The following WNT7A variants were observed in gnomAD, a reference collection of about 807,000 sequenced individuals.
The protein encoded by WNT7A is Wnt family member 7A, also known as protein Wnt-7a.
WNT7A carries 16 observed loss-of-function variants against 28.2 expected under a neutral mutation model. That is an observed-to-expected ratio of 0.57 (90% CI 0.38 to 0.86). The LOEUF is 0.86. WNT7A is among the 40% of genes least tolerant of loss of function. WNT7A has a pLI of 0.00. For missense variants in WNT7A, 411 were observed against 489.7 expected (o/e 0.84, Z 1.52); for synonymous variants, 190 against 195.9 (o/e 0.97, Z 0.25).
intron 2 of WNT7A, among the ~76,000 whole-genome samples, chr3:13,855,250 C>A (rs1304573511): frequency 6.6e-6 from 1 of 152,238 alleles, no homozygotes; most frequent in East Asian, 1.9e-4. Flanking sequence ...AGTTTAAATC[C>A]CAGGAACATC....
intron 2 of WNT7A, among the ~76,000 whole-genome samples, chr3:13,868,728 GAAAGAAAGAA>G (rs1694963897): frequency 1.5e-5 from 2 of 135,632 alleles, no homozygotes; most frequent in African/African-American, 5.7e-5. Context: ...AAGAAAGAAA[GAAAGAAAGAA>G]GAGAAAGAAA....
At chr3:13,872,105 T>G (rs1357293995) in intron 2 of WNT7A, among the ~76,000 whole-genome samples, 1 of 152,188 alleles carries the variant, frequency 6.6e-6, no homozygotes, top group East Asian at 1.9e-4. Context: ...AGCCATTCCC[T>G]GGACACACAC....
chr3:13,855,334 G>T (rs1437414292), intron 2 of WNT7A, among the ~76,000 whole-genome samples: 1 of 150,912 alleles, frequency 6.6e-6, no homozygotes, highest in Non-Finnish European at 1.5e-5. Flanking sequence ...GTAAAATGGG[G>T]ACATATCATT....
At chr3:13,831,142 G>A (rs890777376) in intron 3 of WNT7A, among the ~76,000 whole-genome samples, 2 of 152,140 alleles carry the variant, frequency 1.3e-5, no homozygotes, top group Non-Finnish European at 2.9e-5. Context: ...GCTCAATGCC[G>A]GCCTCAAGCC....
chr3:13,851,082 C>G (rs1295368479), intron 3 of WNT7A, among the ~76,000 whole-genome samples: 3 of 152,172 alleles, frequency 2.0e-5, no homozygotes, highest in Non-Finnish European at 4.4e-5. Context: ...TGACACATCT[C>G]CTACCTATTA....
chr3:13,878,809 C>G (rs1695155361), intron 1 of WNT7A, among the ~76,000 whole-genome samples: 1 of 151,872 alleles, frequency 6.6e-6, no homozygotes, highest in Admixed American at 6.5e-5. Flanking sequence ...CTATCCATGC[C>G]CAGATCCCCC....
At chr3:13,857,849 C>G (rs1442848338) in intron 2 of WNT7A, among the ~76,000 whole-genome samples, 1 of 152,132 alleles carries the variant, frequency 6.6e-6, no homozygotes, top group African/African-American at 2.4e-5. Flanking sequence ...GGGTGAGTCA[C>G]CTAACCTCTC....
intron 3 of WNT7A, among the ~76,000 whole-genome samples, chr3:13,839,854 C>G (rs914846149): frequency 1.3e-5 from 2 of 152,200 alleles, no homozygotes; most frequent in Admixed American, 6.5e-5. Flanking sequence ...GAGCGTGGAT[C>G]TGTAATTAAA....
Position 13,874,985 on chromosome 3 carries a change from A to G in WNT7A, c.260T>C (p.Leu87Pro). The change falls in exon 2 of 4, where the codon CTG becomes CCG. Residue 87 changes from leucine (L) to proline (P), a missense_variant. Coordinates refer to ENST00000285018, the MANE Select transcript of WNT7A (RefSeq NM_004625.4). ...CTTCCCGAAGACGGTGCGCTCTCCCAGTGCAGAGCAGTTCCAGCGGCCATT... is the reference window on the plus strand; with the variant it reads ...CTTCCCGAAGACGGTGCGCTCTCCCGGTGCAGAGCAGTTCCAGCGGCCATT... ...FRNGRWNCSA[L>P]GERTVFGKEL... is the part of the protein sequence containing the mutation. 6.2e-7 allele frequency: 1 copy of G among 1,614,194 alleles called. No homozygotes were observed. The highest frequency in any genetic ancestry group is 8.5e-7 in the Non-Finnish European group (1 of 1,180,038).
intron 2 of WNT7A, among the ~76,000 whole-genome samples, chr3:13,856,960 A>AAGAAGAAGAAGAAGAAAAAGAAGAAGG (rs1559303362): frequency 1.7e-5 from 2 of 117,472 alleles, no homozygotes; most frequent in African/African-American, 8.2e-5. Context: ...GAAGAAGAAG[A>AAGAAGAAGAAGAAGAAAAAGAAGAAGG]AGAAGAAGGA....
At chr3:13,861,282 C>G (rs939788177) in intron 2 of WNT7A, among the ~76,000 whole-genome samples, 1 of 152,236 alleles carries the variant, frequency 6.6e-6, no homozygotes. Context: ...TGTGAAGGAC[C>G]TGCCCCTCCC....
chr3:13,864,457 G>A lies in WNT7A; in HGVS notation c.299-9654C>T, dbSNP rs78417220. 2.6e-5 allele frequency among the ~76,000 whole-genome samples: 4 copies of A among 152,228 alleles called. No homozygotes were observed. The East Asian group carries it at 7.7e-4, about 29-fold the overall frequency. ...TGCTGCCACTCCCCTTCCCCTCCTG[G>A]GTTGTGGACGGCCCCTACTTCAGGT... On this transcript the variant is annotated intron_variant, in intron 2 of 3. Coordinates refer to ENST00000285018, the MANE Select transcript of WNT7A (RefSeq NM_004625.4).
chr3:13,855,927 C>G (rs2124860490), intron 2 of WNT7A, among the ~76,000 whole-genome samples: 1 of 152,306 alleles, frequency 6.6e-6, no homozygotes, highest in African/African-American at 2.4e-5. Flanking sequence ...AGGCAGATGA[C>G]TTGCTCCAAG....
intron 3 of WNT7A, among the ~76,000 whole-genome samples, chr3:13,836,199 TTAAAAAA>T (rs1358951377): frequency 1.4e-5 from 2 of 139,312 alleles, no homozygotes; most frequent in South Asian, 2.3e-4. Context: ...AAGCTGGTTT[TTAAAAAA>T]AAAAAAAAAA....
At chr3:13,838,433 C>T (rs1211837646) in intron 3 of WNT7A, among the ~76,000 whole-genome samples, 3 of 152,200 alleles carry the variant, frequency 2.0e-5, no homozygotes, top group Non-Finnish European at 4.4e-5. Flanking sequence ...TTTTAAAGTC[C>T]CTTCTTCAAG....
intron 3 of WNT7A, among the ~76,000 whole-genome samples, chr3:13,852,785 A>G (rs1484862573): frequency 2.0e-5 from 3 of 152,156 alleles, no homozygotes; most frequent in Admixed American, 2.0e-4. Flanking sequence ...TCCCTGTAGC[A>G]CAAAGGGGCG....
rs1694045439 is a variant in WNT7A, at chr3:13,818,307, A to T, written c.*637T>A. 1 of 148,650 alleles carries T rather than the reference A, an allele frequency of 6.7e-6. No homozygotes were observed. Among genetic ancestry groups the T allele is most frequent in the African/African-American group, 2.5e-5 (1 of 39,836 alleles). 9.2% of individuals were successfully genotyped at this position (148,650 alleles called of 1,614,324 possible). A position where few individuals can be genotyped will look rare whatever the true frequency, so the allele number is the denominator to read the frequency against. ...AACATACTCTGGAAAAAACGTCTCC[A>T]AATCTGGACCAGCTTAAATTTCTGG... is the stretch of plus-strand genomic sequence containing the variant. On this transcript the variant is annotated 3_prime_UTR_variant, in exon 4 of 4. Coordinates refer to ENST00000285018, the MANE Select transcript of WNT7A (RefSeq NM_004625.4).
intron 3 of WNT7A, among the ~76,000 whole-genome samples, chr3:13,828,679 T>A (rs1296085979): frequency 3.3e-5 from 5 of 152,190 alleles, no homozygotes; most frequent in Non-Finnish European, 7.3e-5. Flanking sequence ...AGCTCGAGAC[T>A]CTGGGCTCGT....
chr3:13,865,386 A>G (rs940735148), intron 2 of WNT7A, among the ~76,000 whole-genome samples: 2 of 148,804 alleles, frequency 1.3e-5, no homozygotes, highest in Non-Finnish European at 3.0e-5. Flanking sequence ...ATCATGCCAC[A>G]GGGGTCTTTC....
Sources: gnomAD v4.1 joint callset for allele counts (sites outside exome capture counted in the v4.1 genomes callset) on GRCh38, gnomAD v4.1.1 for gene constraint, MANE v1.5 for transcripts, NCBI Gene and HGNC (gene_info 2026-07-23, HGNC 2026-07-21) for gene names.